Variants in NRG3 observed in about 807,000 individuals in gnomAD.
The protein encoded by NRG3 is neuregulin 3.
In NRG3, 31 loss-of-function variants were observed where a neutral mutation model predicts 66.9. That is an observed-to-expected ratio of 0.46 (90% confidence interval 0.35 to 0.63). The LOEUF is 0.63. Ranked by LOEUF, NRG3 falls within the 20% of genes least tolerant of loss-of-function variation. The pLI is 0.00. For missense variants in NRG3, 910 were observed against 878.9 expected (o/e 1.04, Z -0.45); for synonymous variants, 393 against 359.4 (o/e 1.09, Z -1.06).
chr10:81,882,529 T>C (rs1842272162), intron 1 of NRG3, among the ~76,000 whole-genome samples: 1 of 152,154 alleles, frequency 6.6e-6, no homozygotes, highest in African/African-American at 2.4e-5. Context: ...ACTGATACAA[T>C]CTCTCTGAAG....
intron 4 of NRG3, among the ~76,000 whole-genome samples, chr10:82,937,909 C>T (rs1848238248): frequency 6.6e-6 from 1 of 152,078 alleles, no homozygotes; most frequent in South Asian, 2.1e-4. Context: ...TGAAACATGG[C>T]TAGCCTGAAA....
At chr10:82,354,202 TTTA>T (rs974427660) in intron 1 of NRG3, among the ~76,000 whole-genome samples, 2 of 142,000 alleles carry the variant, frequency 1.4e-5, no homozygotes, top group African/African-American at 2.7e-5. Context: ...GCCCAAATAA[TTTA>T]TTATTATTAT....
chr10:82,873,015 T>A (rs1423408583), intron 4 of NRG3, among the ~76,000 whole-genome samples: 1 of 152,076 alleles, frequency 6.6e-6, no homozygotes, highest in Non-Finnish European at 1.5e-5. Flanking sequence ...TTGAGTAGAT[T>A]TATTAATTTT....
intron 1 of NRG3, among the ~76,000 whole-genome samples, chr10:82,314,065 G>T (rs1404173144): frequency 6.6e-6 from 1 of 152,230 alleles, no homozygotes; most frequent in African/African-American, 2.4e-5. Flanking sequence ...CATGGGTAAA[G>T]TAGAGGAGGA....
chr10:82,943,956 T>A lies in NRG3; in HGVS notation c.1055-7513T>A, dbSNP rs139904079. On this transcript the variant is annotated intron_variant, in intron 4 of 8. Transcript: ENST00000372141. ...CTTTATGTAGGGAGGAAATTGAAGT[T>A]TATAAAGGTAAAGTAGCATACTTGC... Among the ~76,000 whole-genome samples the A allele has an allele frequency of 6.5e-3, 996 of 152,322 alleles. 7 individuals are homozygous for A. The highest frequency in any genetic ancestry group is 0.022 in the African/African-American group (896 of 41,580).
In NRG3 at chr10:81,876,174, A is replaced by C; in HGVS notation, c.823+11A>C. On this transcript the variant is annotated intron_variant, in intron 1 of 8. Transcript: ENST00000372141. ...CCAGCCCCAAATTTCGTAAGTAAAC[A>C]CTGTGTCTCAACTATGATTTACTAC... 6.4e-7 allele frequency: 1 copy of C among 1,563,052 alleles called. No individual in the cohort carries two copies. Among genetic ancestry groups the C allele is most frequent in the Non-Finnish European group, 8.7e-7 (1 of 1,154,062 alleles).
At chr10:82,344,369 C>T (rs2082864640) in intron 1 of NRG3, among the ~76,000 whole-genome samples, 1 of 151,152 alleles carries the variant, frequency 6.6e-6, no homozygotes, top group Non-Finnish European at 1.5e-5. Flanking sequence ...CACTTTCATC[C>T]ATGTCCCTAC....
At chr10:82,005,175 T>C (rs2061336216) in intron 1 of NRG3, among the ~76,000 whole-genome samples, 2 of 152,190 alleles carry the variant, frequency 1.3e-5, no homozygotes, top group Non-Finnish European at 2.9e-5. Flanking sequence ...GTTGTTTCCT[T>C]GGCAAAAGCC....
chr10:81,886,413 A>G (rs566630479), intron 1 of NRG3, among the ~76,000 whole-genome samples: 13 of 152,268 alleles, frequency 8.5e-5, no homozygotes, highest in Admixed American at 8.5e-4. Context: ...ATTGGATATA[A>G]TCCATAAACA....
intron 2 of NRG3, among the ~76,000 whole-genome samples, chr10:82,597,155 A>G (rs1242437320): frequency 6.6e-6 from 1 of 152,212 alleles, no homozygotes; most frequent in Non-Finnish European, 1.5e-5. Flanking sequence ...AGCAACCGTA[A>G]AGAACCAGCT....
chr10:82,761,474 A>T (rs1478755043), intron 3 of NRG3, among the ~76,000 whole-genome samples: 1 of 152,140 alleles, frequency 6.6e-6, no homozygotes, highest in Non-Finnish European at 1.5e-5. Flanking sequence ...CTTAAATTGG[A>T]ATCAAAGCTG....
intron 1 of NRG3, among the ~76,000 whole-genome samples, chr10:81,917,657 G>A (rs773541300): frequency 5.9e-5 from 9 of 152,206 alleles, no homozygotes; most frequent in Non-Finnish European, 1.0e-4. Flanking sequence ...AAATAGTCAT[G>A]TACTTGAAAT....
At chr10:82,964,218 T>C (rs1850969375) in intron 6 of NRG3, among the ~76,000 whole-genome samples, 1 of 152,224 alleles carries the variant, frequency 6.6e-6, no homozygotes, top group Non-Finnish European at 1.5e-5. Context: ...AGAAGTTTGC[T>C]GATTACTGCG....
At chr10:82,217,003 C>G (rs904383705) in intron 1 of NRG3, among the ~76,000 whole-genome samples, 5 of 152,096 alleles carry the variant, frequency 3.3e-5, no homozygotes, top group African/African-American at 1.2e-4. Flanking sequence ...CAAAACAAAT[C>G]CTGTTGCTCA....
chr10:82,278,087 A>T (rs1270443304), intron 1 of NRG3, among the ~76,000 whole-genome samples: 1 of 152,150 alleles, frequency 6.6e-6, no homozygotes, highest in East Asian at 1.9e-4. Context: ...AGAGATGAAT[A>T]GGACAAAAAT....
At chr10:82,065,164 G>A (rs117896517) in intron 1 of NRG3, among the ~76,000 whole-genome samples, 4 of 152,052 alleles carry the variant, frequency 2.6e-5, no homozygotes, top group East Asian at 1.9e-4. Context: ...TTTGACTTCC[G>A]TAGGAGACAT....
At chr10:82,920,279 T>G (rs1488406754) in intron 4 of NRG3, among the ~76,000 whole-genome samples, 1 of 152,128 alleles carries the variant, frequency 6.6e-6, no homozygotes, top group Non-Finnish European at 1.5e-5. Context: ...ATATATAGTA[T>G]AATTGAATGT....
intron 3 of NRG3, among the ~76,000 whole-genome samples, chr10:82,850,054 C>G (rs1403900806): frequency 6.6e-6 from 1 of 152,084 alleles, no homozygotes; most frequent in Non-Finnish European, 1.5e-5. Context: ...TGGCTTGAAC[C>G]AGCTTGTTGG....
At chr10:82,325,230 G>A (rs1353305417) in intron 1 of NRG3, among the ~76,000 whole-genome samples, 2 of 151,540 alleles carry the variant, frequency 1.3e-5, no homozygotes, top group Admixed American at 6.6e-5. Context: ...TGCCCAGGCT[G>A]GAGTGCAGTG....
Sources: gnomAD v4.1 joint callset for allele counts (sites outside exome capture counted in the v4.1 genomes callset) on GRCh38, gnomAD v4.1.1 for gene constraint, MANE v1.5 for transcripts, NCBI Gene and HGNC (gene_info 2026-07-23, HGNC 2026-07-21) for gene names.